Variants in KRT78 observed in about 807,000 individuals in gnomAD.
KRT78 encodes keratin, type II cytoskeletal 78.
A neutral mutation model predicts 51.4 loss-of-function variants in KRT78; 55 were observed. The observed-to-expected ratio is 1.07, with a 90% CI of 0.86 to 1.34. The LOEUF is 1.34. Ranked by LOEUF, KRT78 falls within the 40% of genes most tolerant of loss-of-function variation. The pLI, the probability that KRT78 is intolerant of heterozygous loss-of-function variation, is 0.00. For missense variants in KRT78, 652 were observed against 649.4 expected, an observed-to-expected ratio of 1.00 and a Z score of -0.04; for synonymous variants, 291 against 264.3, an observed-to-expected ratio of 1.10 and a Z score of -0.98.
rs114041054 is a variant in KRT78 at position 52,848,911 on chromosome 12, C to T, written c.20G>A (p.Arg7Gln). Reference sequence around the variant, plus strand: ...GCGAGCGCTGAAGCCCCTCTGGGCCCGGCATGGGGAGAGAGACATGGCAGA... The same window carrying T: ...GCGAGCGCTGAAGCCCCTCTGGGCCTGGCATGGGGAGAGAGACATGGCAGA... MSLSPCRAQRGFSARSA... is the reference protein window; with the variant it reads MSLSPCQAQRGFSARSA... Residue 7 changes from arginine to glutamine, a missense_variant, in exon 1 of 9, where the codon CGG becomes CAG. Physicochemically the swap from Arg to Gln is conservative, Grantham distance 43. Coordinates refer to ENST00000304620, the MANE Select transcript of KRT78 (RefSeq NM_173352.4). The T allele has an allele frequency of 1.6e-3, 2,574 of 1,567,236 alleles. 34 individuals carry two copies. In the African/African-American group the frequency reaches 0.029, roughly 18 times the overall value.
Position 52,848,531 on chromosome 12 carries a change from C to T in KRT78, c.384+16G>A. ...GGGAGGCACAGAGACAGGGGCTTGG[C>T]TGAGTTGACCCTCACCTTGTCAATG... On this transcript the variant is annotated intron_variant, in intron 1 of 8. Transcript: ENST00000304620. The T allele has an allele frequency of 6.2e-7, 1 of 1,612,428 alleles. No homozygotes were observed. The highest frequency in any genetic ancestry group is 8.5e-7 in the Non-Finnish European group (1 of 1,179,214).
intron 4 of KRT78, among the ~76,000 whole-genome samples, 184 bp from the exon 5 acceptor site, chr12:52,844,907 G>A (rs190614698): frequency 5.9e-5 from 9 of 152,134 alleles, no homozygotes; most frequent in Non-Finnish European, 5.9e-5. Flanking sequence ...GAGAGCCATA[G>A]GAGGTGGTCT....
chr12:52,846,409 C>T, intron 3 of KRT78, 117 bp from the exon 4 acceptor site: 1 of 729,832 alleles, frequency 1.4e-6, no homozygotes, highest in Non-Finnish European at 2.5e-6. Flanking sequence ...CTCCCAAGAC[C>T]CCCTCCTTCC....
rs1401635637 is a variant in KRT78, at chr12:52,839,997, T to C, written c.1048-13A>G. 2.5e-6 allele frequency: 4 copies of C among 1,602,682 alleles called. No individual in the cohort carries two copies. The African/African-American group carries it at 4.0e-5, about 16-fold the overall frequency. On this transcript the variant is annotated splice_polypyrimidine_tract_variant and intron_variant, in intron 6 of 8. Coordinates refer to ENST00000304620, the MANE Select transcript of KRT78 (RefSeq NM_173352.4). ...GCAGGCTGGCGTTCTGGAAGCGGGG[T>C]AGAAATGAGCGAGAAGGTGGTTGTA...
intron 4 of KRT78, 127 bp from the exon 5 acceptor site, chr12:52,844,850 T>TG: frequency 1.2e-6 from 1 of 823,062 alleles, no homozygotes; most frequent in Non-Finnish European, 1.9e-6. Context: ...CAGGTGGCTT[T>TG]GAGTATGCCC....
In KRT78 at chr12:52,839,260, C is replaced by G. The variant is rs1338819445; in HGVS notation, c.1416G>C (p.Val472=). ...GSPGSCCTSI[V]TGGSNIILGS... ...CCAGAATGATGTTGGAGCCTCCAGT[C>G]ACAATGCTGGTGCAGCAGGACCCAG... Residue 472 remains valine (V), a synonymous_variant, in exon 9 of 9, where the codon GTG becomes GTC. Coordinates refer to ENST00000304620, the MANE Select transcript of KRT78 (RefSeq NM_173352.4). 2.5e-6 allele frequency: 4 copies of G among 1,612,320 alleles called. No individual in the cohort carries two copies. The highest frequency in any genetic ancestry group is 3.4e-6 in the Non-Finnish European group (4 of 1,179,228).
chr12:52,844,798 G>A (rs1168947535), intron 4 of KRT78, 75 bp from the exon 5 acceptor site: 139 of 1,412,696 alleles, frequency 9.8e-5, no homozygotes, highest in Non-Finnish European at 1.3e-4. Context: ...GGTTGAGCAG[G>A]ATGATGAATT....
chr12:52,842,913 TGAAAGAAAGAAAG>T (rs1391896326), intron 6 of KRT78, among the ~76,000 whole-genome samples: 2 of 134,488 alleles, frequency 1.5e-5, no homozygotes, highest in South Asian at 2.4e-4. Context: ...TGAAACTCCA[TGAAAGAAAGAAAG>T]GAAAGAAAGA....
intron 1 of KRT78, 65 bp downstream of exon 1, chr12:52,848,482 G>A: frequency 6.3e-7 from 1 of 1,578,936 alleles, no homozygotes; most frequent in Non-Finnish European, 8.6e-7. Flanking sequence ...CCATTTCCAA[G>A]TCCATCAAGA....
At position 52,848,591 on chromosome 12, in the gene KRT78, C is replaced by G. The variant is rs1215571171; in HGVS notation, c.340G>C (p.Glu114Gln). The G allele has an allele frequency of 4.3e-6, 7 of 1,614,108 alleles. No individual in the cohort carries two copies. The highest frequency in any genetic ancestry group is 1.7e-5 in the Admixed American group (1 of 60,016). ...AACTGGTTGTTGAGGGTTCTGATCT[C>G]CTGGGTCTCCTGCGTCCGCACCACC... ...FQVVRTQETQ[E>Q]IRTLNNQFAS... is the part of the protein sequence containing the mutation. Residue 114 changes from glutamate to glutamine, a missense_variant, in exon 1 of 9, where the codon GAG (glutamate) becomes CAG (glutamine). Physicochemically the swap from Glu to Gln is conservative, Grantham distance 29. Coordinates refer to ENST00000304620, the MANE Select transcript of KRT78 (RefSeq NM_173352.4).
chr12:52,844,412 G>A, intron 5 of KRT78, 147 bp downstream of exon 5: 1 of 1,182,824 alleles, frequency 8.5e-7, no homozygotes, highest in South Asian at 1.5e-5. Flanking sequence ...CCCTCCTGGA[G>A]GGGAAATGGC....
Position 52,844,109 on chromosome 12 carries a change from T to C in KRT78, c.1031A>G (p.Glu344Gly). The change falls in exon 6 of 9, where the codon GAG becomes GGG. Residue 344 changes from glutamate (E) to glycine (G), a missense_variant. Physicochemically the swap from Glu to Gly is moderately conservative, Grantham distance 98. Transcript: ENST00000304620. ...QEIQRLQSQT[E>G]NLKKQNASLQ... ...GGAATCTACCTGCTTCTTGAGGTTCTCAGTCTGACTCTGCAGCCTCTGAAT... is the reference window on the plus strand; with the variant it reads ...GGAATCTACCTGCTTCTTGAGGTTCCCAGTCTGACTCTGCAGCCTCTGAAT... The C allele has an allele frequency of 6.2e-7, 1 of 1,613,028 alleles. No individual in the cohort carries two copies. The highest frequency in any genetic ancestry group is 8.5e-7 in the Non-Finnish European group (1 of 1,179,636).
intron 6 of KRT78, among the ~76,000 whole-genome samples, chr12:52,841,278 T>G (rs1053658046): frequency 1.3e-5 from 2 of 151,556 alleles, no homozygotes; most frequent in African/African-American, 4.9e-5. Context: ...GGTCAGGAGA[T>G]AGAGACCATC....
intron 6 of KRT78, among the ~76,000 whole-genome samples, chr12:52,840,196 A>T (rs1300629599): frequency 1.3e-5 from 2 of 152,182 alleles, no homozygotes; most frequent in African/African-American, 2.4e-5. Flanking sequence ...TACCTCCTGC[A>T]GTAGGTTGAA....
rs558787676 is a variant in KRT78, at chr12:52,837,867, C to T, written c.*1246G>A. 4 of 152,280 alleles carry T rather than the reference C, an allele frequency of 2.6e-5. No homozygotes were observed. Among genetic ancestry groups the T allele is most frequent in the African/African-American group, 9.6e-5 (4 of 41,544 alleles). The allele number at this position is 152,280 out of a possible 1,614,324, so 9.4% of individuals were successfully genotyped here. ...ATGAATTTAGTTTCCTTCTGGGATCCTAGTGGCACTGTCGCCACACAGCCC... is the reference window on the plus strand; with the variant it reads ...ATGAATTTAGTTTCCTTCTGGGATCTTAGTGGCACTGTCGCCACACAGCCC... On this transcript the variant is annotated 3_prime_UTR_variant, in exon 9 of 9. Coordinates refer to ENST00000304620, the MANE Select transcript of KRT78 (RefSeq NM_173352.4).
At position 52,848,739 on chromosome 12, in the gene KRT78, CACCCCCAGCCTACCCCCTG is replaced by C. The variant is rs763097605; in HGVS notation, c.173_191del (p.Ser58CysfsTer23). 9 of 1,611,106 alleles carry C rather than the reference CACCCCCAGCCTACCCCCTG, an allele frequency of 5.6e-6. No homozygotes were observed. The highest frequency in any genetic ancestry group is 7.6e-6 in the Non-Finnish European group (9 of 1,178,532). ...GCCCACCACTCCACTCCCCAAACCG[CACCCCCAGCCTACCCCCTG>C]ACCCCCAGGTACTCCCACGAGAGCC... On this transcript the variant is annotated frameshift_variant, in exon 1 of 9. Transcript: ENST00000304620. LOFTEE classifies it high-confidence loss of function.
chr12:52,840,856 C>A lies in KRT78; in HGVS notation c.1048-872G>T, dbSNP rs374173272. ...CAGAGGGAGCACGGCCCCGCCAACACCTTGACTTCAGACTTCAAGGCTCCA... is the reference window on the plus strand; with the variant it reads ...CAGAGGGAGCACGGCCCCGCCAACAACTTGACTTCAGACTTCAAGGCTCCA... On this transcript the variant is annotated intron_variant, in intron 6 of 8. Coordinates refer to ENST00000304620, the MANE Select transcript of KRT78 (RefSeq NM_173352.4). 5.1e-4 allele frequency among the ~76,000 whole-genome samples: 77 copies of A among 152,316 alleles called. 2 individuals are homozygous for A. Among genetic ancestry groups the A allele is most frequent in the Middle Eastern group, 3.4e-3 (1 of 294 alleles).
Position 52,848,893 on chromosome 12 carries a change from C to T in KRT78, c.38G>A (p.Ser13Asn). The T allele has an allele frequency of 6.3e-7, 1 of 1,590,708 alleles. No individual in the cohort carries two copies. Among genetic ancestry groups the T allele is most frequent in the Non-Finnish European group, 8.5e-7 (1 of 1,169,702 alleles). Residue 13 changes from serine (S) to asparagine (N), a missense_variant, in exon 1 of 9, where the codon AGC becomes AAC. By Grantham distance (46) the Ser-to-Asn change is conservative (BLOSUM62 1). Transcript: ENST00000304620. The stretch of plus-strand genomic sequence containing the variant: ...GCGAGCAGAACAGGCTGAGCGAGCG[C>T]TGAAGCCCCTCTGGGCCCGGCATGG... ...LSPCRAQRGFSARSACSARSR... is the reference protein window; with the variant it reads ...LSPCRAQRGFNARSACSARSR...
At position 52,841,143 on chromosome 12, in the gene KRT78, C is replaced by T. The variant is rs191795915; in HGVS notation, c.1048-1159G>A. Among the ~76,000 whole-genome samples the T allele has an allele frequency of 3.1e-3, 465 of 152,206 alleles. 1 individual carries two copies. The highest frequency in any genetic ancestry group is 9.9e-3 in the African/African-American group (412 of 41,526). On this transcript the variant is annotated intron_variant, in intron 6 of 8. Coordinates refer to ENST00000304620, the MANE Select transcript of KRT78 (RefSeq NM_173352.4). ...ACAGTCCCATTTCAAATACTTTGTCCTGTTGTCAGAGTACATCAAAACATA... is the reference window on the plus strand; with the variant it reads ...ACAGTCCCATTTCAAATACTTTGTCTTGTTGTCAGAGTACATCAAAACATA...
Sources: gnomAD v4.1 joint callset for allele counts (sites outside exome capture counted in the v4.1 genomes callset) on GRCh38, gnomAD v4.1.1 for gene constraint, MANE v1.5 for transcripts, NCBI Gene and HGNC (gene_info 2026-07-23, HGNC 2026-07-21) for gene names.